ZNF367: variants seen among roughly 807,000 people sequenced by gnomAD.
ZNF367 encodes the protein zinc finger protein 367, also known as C2H2 zinc finger protein ZFF29.
In ZNF367, 11 loss-of-function variants were observed where a neutral mutation model predicts 31.8. The observed-to-expected ratio is 0.35, with a 90% CI of 0.22 to 0.57. ZNF367 has a LOEUF of 0.57. Ranked by LOEUF, ZNF367 falls within the 20% of genes least tolerant of loss-of-function variation. ZNF367 has a pLI of 0.85. For missense variants in ZNF367, 353 were observed against 484.1 expected (o/e 0.73, Z 2.54); for synonymous variants, 199 against 202.4 (o/e 0.98, Z 0.14).
rs902026522 is a variant in ZNF367, at chr9:96,417,372, G to T, written c.420+241C>A. The stretch of plus-strand genomic sequence containing the variant: ...GGCCTCCCCAGCGACCCCGGGCCGC[G>T]CTCCCGCCCACTGCACCTGCCGCAA... On this transcript the variant is annotated intron_variant, in intron 1 of 4. Coordinates refer to ENST00000375256, the MANE Select transcript of ZNF367 (RefSeq NM_153695.4). The surrounding 1 kb of genome is among the most constrained non-coding windows in gnomAD (Gnocchi z 5.0). Among the ~76,000 whole-genome samples, 1 of 150,816 alleles carries T rather than the reference G, an allele frequency of 6.6e-6. No individual in the cohort carries two copies. Among genetic ancestry groups the T allele is most frequent in the African/African-American group, 2.4e-5 (1 of 40,986 alleles).
chr9:96,417,655 C>T lies in ZNF367; in HGVS notation c.378G>A (p.Glu126=). 1.0e-6 allele frequency: 1 copy of T among 967,424 alleles called. No homozygotes were observed. Among genetic ancestry groups the T allele is most frequent in the Non-Finnish European group, 1.3e-6 (1 of 753,606 alleles). 59.9% of individuals were successfully genotyped at this position (967,424 alleles called of 1,614,324 possible). ...ASASAAASGG[E]DEEEASSPDS... ...CTGGGCTGCTCGCTTCCTCCTCGTC[C>T]TCACCTCCCGAGGCGGCGGCGGAGG... The change falls in exon 1 of 5, where the codon GAG becomes GAA. Residue 126 remains glutamate (E), a synonymous_variant. Coordinates refer to ENST00000375256, the MANE Select transcript of ZNF367 (RefSeq NM_153695.4). This position sits in a 1 kb window ranked among gnomAD's most constrained non-coding sequence, Gnocchi z 5.0.
chr9:96,397,365 C>T (rs993573769), intron 2 of ZNF367, among the ~76,000 whole-genome samples: 4 of 151,982 alleles, frequency 2.6e-5, no homozygotes, highest in Non-Finnish European at 5.9e-5. Context: ...ATATAATTTC[C>T]ATATGCAAAT....
At chr9:96,395,056 G>A in intron 2 of ZNF367, 114 bp from the exon 3 acceptor site, 1 of 1,172,194 alleles carries the variant, frequency 8.5e-7, no homozygotes, top group Non-Finnish European at 1.2e-6. Context: ...AATAAAACAT[G>A]TCATGGCCCC....
At chr9:96,401,301 G>A (rs1223885118) in intron 1 of ZNF367, among the ~76,000 whole-genome samples, 2 of 152,110 alleles carry the variant, frequency 1.3e-5, no homozygotes, top group Non-Finnish European at 2.9e-5. Context: ...GCCAGGGTGG[G>A]CAGATCACAA....
At chr9:96,388,487 C>A (rs1183641457) in intron 4 of ZNF367, 28 bp from the exon 5 acceptor site, 1 of 1,571,820 alleles carries the variant, frequency 6.4e-7, no homozygotes, top group African/African-American at 1.4e-5. Flanking sequence ...ACATTAGTTA[C>A]ATGGCAGACA....
chr9:96,398,138 GTC>G (rs755483952), intron 2 of ZNF367, 24 bp downstream of exon 2: 15 of 721,990 alleles, frequency 2.1e-5, no homozygotes, highest in Non-Finnish European at 2.9e-5. Flanking sequence ...ACTTCTGGCA[GTC>G]TCTATAAAAT....
chr9:96,404,897 T>C (rs1587746501), intron 1 of ZNF367, among the ~76,000 whole-genome samples: 2 of 152,026 alleles, frequency 1.3e-5, no homozygotes, highest in East Asian at 3.9e-4. Flanking sequence ...AAAAGACCTC[T>C]TAGAACTCAA....
chr9:96,386,407 T>A lies in ZNF367; in HGVS notation c.*1830A>T, dbSNP rs1249392550. The A allele has an allele frequency of 3.3e-5, 5 of 152,198 alleles. No individual in the cohort carries two copies. The highest frequency in any genetic ancestry group is 1.2e-4 in the African/African-American group (5 of 41,454). The allele number at this position is 152,198 out of a possible 1,614,324, so 9.4% of individuals were successfully genotyped here. A position where few individuals can be genotyped will look rare whatever the true frequency, so the allele number is the denominator to read the frequency against. ...CAAAGTTCAAATTTCCCAAGACTGA[T>A]GAGTGTTGTTTTTAGTTCATTAAAT... On this transcript the variant is annotated 3_prime_UTR_variant, in exon 5 of 5. Transcript: ENST00000375256.
At chr9:96,394,147 A>G (rs2131072192) in intron 3 of ZNF367, among the ~76,000 whole-genome samples, 1 of 152,358 alleles carries the variant, frequency 6.6e-6, no homozygotes, top group East Asian at 1.9e-4. Flanking sequence ...ACTGCCTACA[A>G]CTGGATATAG....
chr9:96,417,713 C>A lies in ZNF367; in HGVS notation c.320G>T (p.Arg107Leu). 1 of 1,209,378 alleles carries A rather than the reference C, an allele frequency of 8.3e-7. No homozygotes were observed. Among genetic ancestry groups the A allele is most frequent in the East Asian group, 3.3e-5 (1 of 30,626 alleles). The allele number at this position is 1,209,378 out of a possible 1,614,324, so 74.9% of individuals were successfully genotyped here. The change falls in exon 1 of 5, where the codon CGT (arginine) becomes CTT (leucine). Residue 107 changes from arginine (R) to leucine (L), a missense_variant. Arg to Leu is a moderately radical substitution (Grantham distance 102). Around this residue, in one of 5 missense-constraint regions of ZNF367, gnomAD observed 70 missense variants for 57.1 expected, o/e 1.23. Coordinates refer to ENST00000375256, the MANE Select transcript of ZNF367 (RefSeq NM_153695.4). This position sits in a 1 kb window ranked among gnomAD's most constrained non-coding sequence, Gnocchi z 5.0. ...GGCGGGCGGGGGCGCGCCCCGGCCACGAAGCCCCGAGTGCTCGGCGGCTGC... is the reference window on the plus strand; with the variant it reads ...GGCGGGCGGGGGCGCGCCCCGGCCAAGAAGCCCCGAGTGCTCGGCGGCTGC... ...AAAAAEHSGL[R>L]GRGAPPPAAS...
chr9:96,398,976 G>A (rs1006844779), intron 1 of ZNF367, among the ~76,000 whole-genome samples: 3 of 152,110 alleles, frequency 2.0e-5, no homozygotes, highest in Non-Finnish European at 4.4e-5. Flanking sequence ...CAAAAAACTT[G>A]TAAGGCAAAT....
At chr9:96,392,745 T>C (rs1477595736) in intron 3 of ZNF367, among the ~76,000 whole-genome samples, 3 of 152,248 alleles carry the variant, frequency 2.0e-5, no homozygotes, top group Non-Finnish European at 4.4e-5. Flanking sequence ...GTCGTGGCCA[T>C]GTGTGTCCAA....
At chr9:96,406,030 TACC>T (rs747019249) in intron 1 of ZNF367, among the ~76,000 whole-genome samples, 35 of 152,242 alleles carry the variant, frequency 2.3e-4, no homozygotes, top group Admixed American at 5.9e-4. Context: ...TTAACAAATG[TACC>T]ACATTAGTGT....
intron 4 of ZNF367, 76 bp from the exon 5 acceptor site, chr9:96,388,535 C>G: frequency 7.8e-7 from 1 of 1,282,022 alleles, no homozygotes; most frequent in Non-Finnish European, 1.1e-6. Context: ...TTAAAAAGTT[C>G]CATACCACAA....
intron 1 of ZNF367, among the ~76,000 whole-genome samples, chr9:96,413,887 A>C (rs950414393): frequency 1.3e-5 from 2 of 152,158 alleles, no homozygotes; most frequent in Non-Finnish European, 2.9e-5. Context: ...AAATGAACGC[A>C]AATATTGTTC....
intron 1 of ZNF367, chr9:96,407,695 C>T (rs1831688410): frequency 7.1e-7 from 1 of 1,405,486 alleles, no homozygotes; most frequent in Non-Finnish European, 1.0e-6. Flanking sequence ...AAAAGTTATT[C>T]GAACAGGAAA....
chr9:96,393,759 A>T (rs900586777), intron 3 of ZNF367, among the ~76,000 whole-genome samples: 3 of 152,186 alleles, frequency 2.0e-5, no homozygotes, highest in Admixed American at 6.5e-5. Flanking sequence ...TGAACCCAGG[A>T]GGCGGAGGTT....
chr9:96,394,515 T>C (rs1831507108), intron 3 of ZNF367, among the ~76,000 whole-genome samples: 1 of 152,234 alleles, frequency 6.6e-6, no homozygotes. Flanking sequence ...AAAGGACCCA[T>C]GCTTGAGAGG....
chr9:96,402,126 C>T (rs538825434), intron 1 of ZNF367, among the ~76,000 whole-genome samples: 3 of 124,996 alleles, frequency 2.4e-5, no homozygotes, highest in African/African-American at 9.2e-5. Context: ...CATGGTGGCA[C>T]GCGCCTATAG....
Sources: gnomAD v4.1 joint callset for allele counts (sites outside exome capture counted in the v4.1 genomes callset) on GRCh38, gnomAD v4.1.1 for gene constraint, gnomAD v4.1.1 regional missense constraint, Gnocchi (gnomAD v3.1) non-coding constraint, MANE v1.5 for transcripts, NCBI Gene and HGNC (gene_info 2026-07-23, HGNC 2026-07-21) for gene names.